GRID2: variants seen among roughly 807,000 people sequenced by gnomAD.
GRID2 encodes glutamate ionotropic receptor delta type subunit 2, also known as glutamate receptor ionotropic, delta-2.
In GRID2, 33 loss-of-function variants were observed where a neutral mutation model predicts 114.8. The observed-to-expected ratio is 0.29, with a 90% CI of 0.22 to 0.38. The LOEUF is 0.38. Among genes scored for constraint, GRID2 ranks in the 10% least tolerant of loss-of-function variants. The probability of loss-of-function intolerance (pLI) is 1.00; values close to 1 mark genes in which losing one functional copy is unlikely to be tolerated. For missense variants in GRID2, 1,184 were observed against 1,257.7 expected (o/e 0.94, Z 0.89); for synonymous variants, 505 against 449.9 (o/e 1.12, Z -1.55).
At chr4:93,398,149 A>ATATATATATATATC (rs1560579261) in intron 9 of GRID2, among the ~76,000 whole-genome samples, 2 of 145,318 alleles carry the variant, frequency 1.4e-5, no homozygotes, top group African/African-American at 5.4e-5. Flanking sequence ...ATATATATAT[A>ATATATATATATATC]TATCTTATCA....
At position 93,343,720 on chromosome 4, in the gene GRID2, A is replaced by C. The variant is rs116808770; in HGVS notation, c.1246-51887A>C. Among the ~76,000 whole-genome samples, 1,248 of 152,180 alleles carry C rather than the reference A, an allele frequency of 8.2e-3. 14 individuals are homozygous for C. Among genetic ancestry groups the C allele is most frequent in the African/African-American group, 0.028 (1,178 of 41,560 alleles). On this transcript the variant is annotated intron_variant, in intron 8 of 15. Coordinates refer to ENST00000282020, the MANE Select transcript of GRID2 (RefSeq NM_001510.4). ...TGGTAGATTTGGGGAATCAAATATT[A>C]TGTTAAAGATAGAAAGCTCTACCTC...
At chr4:93,710,098 T>C (rs1343272585) in intron 14 of GRID2, among the ~76,000 whole-genome samples, 1 of 152,214 alleles carries the variant, frequency 6.6e-6, no homozygotes, top group African/African-American at 2.4e-5. Context: ...GGTGAGGTCA[T>C]GTTTTCCTGG....
intron 2 of GRID2, among the ~76,000 whole-genome samples, chr4:92,988,351 G>A (rs912364781): frequency 6.6e-6 from 1 of 152,174 alleles, no homozygotes; most frequent in Non-Finnish European, 1.5e-5. Context: ...CTGAAAACCA[G>A]TGTGAATCGC....
At chr4:93,552,565 C>A (rs201920521) in intron 13 of GRID2, among the ~76,000 whole-genome samples, 1 of 152,044 alleles carries the variant, frequency 6.6e-6, no homozygotes, top group African/African-American at 2.4e-5. Flanking sequence ...TTTTAGTGGT[C>A]GCCATTCTAA....
chr4:92,961,438 T>C (rs1752803305), intron 2 of GRID2, among the ~76,000 whole-genome samples: 1 of 151,438 alleles, frequency 6.6e-6, no homozygotes, highest in Non-Finnish European at 1.5e-5. Flanking sequence ...TTAAGGATAA[T>C]TTCACAGGTT....
At chr4:93,048,754 A>C (rs1726410494) in intron 2 of GRID2, among the ~76,000 whole-genome samples, 1 of 152,100 alleles carries the variant, frequency 6.6e-6, no homozygotes, top group Non-Finnish European at 1.5e-5. Context: ...ATGGAGACTT[A>C]GACTCTATAC....
At chr4:92,670,759 A>T (rs1733018898) in intron 2 of GRID2, among the ~76,000 whole-genome samples, 1 of 152,030 alleles carries the variant, frequency 6.6e-6, no homozygotes, top group Admixed American at 6.6e-5. Flanking sequence ...CATTCTTTGA[A>T]GTAGGTAGTA....
chr4:92,611,898 T>C (rs549386799), intron 2 of GRID2, among the ~76,000 whole-genome samples: 39 of 151,700 alleles, frequency 2.6e-4, no homozygotes, highest in African/African-American at 8.7e-4. Context: ...TAAGAGTTTT[T>C]TTTTAATCAG....
At chr4:93,364,233 C>T (rs1402963595) in intron 8 of GRID2, among the ~76,000 whole-genome samples, 1 of 151,918 alleles carries the variant, frequency 6.6e-6, no homozygotes. Flanking sequence ...TGTAGGTAAT[C>T]TGTTTTTGTG....
chr4:93,801,567 C>G (rs1734931763), intron 1 of GRID2, among the ~76,000 whole-genome samples: 1 of 152,016 alleles, frequency 6.6e-6, no homozygotes, highest in Non-Finnish European at 1.5e-5. Context: ...ATAATTAACT[C>G]CTCCTTCTAT....
chr4:93,422,622 C>T (rs753544688), intron 9 of GRID2, 149 bp from the exon 10 acceptor site: 36 of 578,290 alleles, frequency 6.2e-5, no homozygotes, highest in Admixed American at 1.0e-4. Context: ...TAATATGATG[C>T]GTTAATAATG....
At chr4:92,401,872 A>G (rs751909786) in intron 1 of GRID2, among the ~76,000 whole-genome samples, 3 of 152,126 alleles carry the variant, frequency 2.0e-5, no homozygotes, top group Non-Finnish European at 4.4e-5. Flanking sequence ...TATCTTGCCC[A>G]TATCTTTTCT....
chr4:92,872,933 A>G (rs1745379616), intron 2 of GRID2, among the ~76,000 whole-genome samples: 1 of 152,234 alleles, frequency 6.6e-6, no homozygotes, highest in Admixed American at 6.5e-5. Flanking sequence ...CAAAAGATAA[A>G]CTGGAGATCT....
At chr4:93,332,259 T>TGC (rs1235574902) in intron 8 of GRID2, among the ~76,000 whole-genome samples, 1 of 117,576 alleles carries the variant, frequency 8.5e-6, no homozygotes, top group Non-Finnish European at 1.6e-5. Context: ...AGAGTGTGTG[T>TGC]GTGTGTGCGT....
Position 93,591,200 on chromosome 4 carries a change from G to C in GRID2, c.2194-35069G>C, listed in dbSNP as rs541210008. ...TGATATTGGCTGTGGGTTTGTCATAGATAGCTCTTATTATTTTGAAATATG... is the reference window on the plus strand; with the variant it reads ...TGATATTGGCTGTGGGTTTGTCATACATAGCTCTTATTATTTTGAAATATG... On this transcript the variant is annotated intron_variant, in intron 13 of 15. Transcript: ENST00000282020. Among the ~76,000 whole-genome samples, 1,084 of 150,604 alleles carry C rather than the reference G, an allele frequency of 7.2e-3. 10 individuals carry two copies. The highest frequency in any genetic ancestry group is 0.025 in the African/African-American group (1,006 of 41,014).
chr4:93,399,421 T>C (rs1446697026), intron 9 of GRID2, among the ~76,000 whole-genome samples: 2 of 152,118 alleles, frequency 1.3e-5, no homozygotes, highest in East Asian at 3.9e-4. Context: ...AATTCAGCAC[T>C]CTACTGTTTG....
intron 4 of GRID2, among the ~76,000 whole-genome samples, chr4:93,206,255 C>T (rs1488573127): frequency 6.6e-6 from 1 of 151,804 alleles, no homozygotes; most frequent in Non-Finnish European, 1.5e-5. Context: ...CAACTAATTA[C>T]GTACTTTGAA....
At chr4:93,550,929 A>G (rs1363607467) in intron 13 of GRID2, among the ~76,000 whole-genome samples, 5 of 152,178 alleles carry the variant, frequency 3.3e-5, no homozygotes, top group Admixed American at 2.0e-4. Context: ...GTGAGGCACT[A>G]TAGAATAACG....
chr4:93,417,089 A>G (rs749034943), intron 9 of GRID2, among the ~76,000 whole-genome samples: 15 of 152,160 alleles, frequency 9.9e-5, no homozygotes, highest in Non-Finnish European at 2.1e-4. Flanking sequence ...TTGCTGGAAA[A>G]TGAATTTTAA....
Sources: allele counts gnomAD v4.1 joint callset (sites outside exome capture counted in the v4.1 genomes callset), GRCh38; gene constraint gnomAD v4.1.1; transcripts MANE v1.5; gene names NCBI Gene and HGNC (gene_info 2026-07-23, HGNC 2026-07-21).